Variants in BAIAP3 observed in about 807,000 individuals in gnomAD.
BAIAP3 encodes BAI1-associated protein 3.
In BAIAP3, 180 loss-of-function variants were observed where a neutral mutation model predicts 149.7. The ratio of observed to expected loss-of-function variants is 1.20; its 90% CI spans 1.07 to 1.36. BAIAP3 has a LOEUF of 1.36. Among genes scored for constraint, BAIAP3 ranks in the 40% most tolerant of loss-of-function variants. BAIAP3 has a pLI of 0.00. For missense variants in BAIAP3, 1,767 were observed against 1,563.4 expected (o/e 1.13, Z -2.20); for synonymous variants, 845 against 670.7 (o/e 1.26, Z -4.02).
chr16:1,342,363 G>A (rs771798566), intron 11 of BAIAP3, 80 bp downstream of exon 11: 21 of 1,481,396 alleles, frequency 1.4e-5, no homozygotes, highest in Non-Finnish European at 1.8e-5. Flanking sequence ...GCAGGGCACT[G>A]CCTGGAGAAG....
At chr16:1,342,407 T>A in intron 11 of BAIAP3, 120 bp from the exon 12 acceptor site, 1 of 1,358,120 alleles carries the variant, frequency 7.4e-7, no homozygotes, top group Non-Finnish European at 1.0e-6. Context: ...AGTGCGCTTG[T>A]CACCCTCATT....
intron 26 of BAIAP3, 33 bp from the exon 27 acceptor site, chr16:1,346,572 G>A: frequency 6.4e-7 from 1 of 1,567,690 alleles, no homozygotes; most frequent in Non-Finnish European, 8.6e-7. Flanking sequence ...CAGAGGTGCG[G>A]GGTAAGCCTG....
chr16:1,335,647 G>C (rs1284333836), intron 1 of BAIAP3, among the ~76,000 whole-genome samples: 3 of 152,208 alleles, frequency 2.0e-5, no homozygotes, highest in Non-Finnish European at 4.4e-5. Context: ...CAGCTGCCCA[G>C]GAAGCCTGGG....
At chr16:1,346,989 C>T (rs369370617) in intron 28 of BAIAP3, 34 bp downstream of exon 28, 2 of 1,558,912 alleles carry the variant, frequency 1.3e-6, no homozygotes, top group African/African-American at 1.4e-5. Flanking sequence ...CCCCGCCGGC[C>T]CCCGCCTCAG....
In BAIAP3 at chr16:1,344,034, G is replaced by A. The variant is rs1284243648; in HGVS notation, c.1399G>A (p.Ala467Thr). 1.2e-6 allele frequency: 2 copies of A among 1,612,264 alleles called. No homozygotes were observed. Among genetic ancestry groups the A allele is most frequent in the African/African-American group, 2.7e-5 (2 of 74,934 alleles). ...SLPQEQEESL[A>T]DSLSAFSEFG... The stretch of plus-strand genomic sequence containing the variant: ...CCTGTCCCCACAGGAGGAGAGCCTG[G>A]CTGATAGCCTTTCCGCCTTCTCTGA... The change falls in exon 16 of 34, where the codon GCT becomes ACT. Residue 467 changes from alanine to threonine, a missense_variant. Physicochemically the swap from Ala to Thr is moderately conservative, Grantham distance 58 (BLOSUM62 0). Transcript: ENST00000426824.
chr16:1,347,317 A>C lies in BAIAP3; in HGVS notation c.2771A>C (p.His924Pro). The C allele has an allele frequency of 6.2e-7, 1 of 1,613,032 alleles. No individual in the cohort carries two copies. The highest frequency in any genetic ancestry group is 8.5e-7 in the Non-Finnish European group (1 of 1,179,852). The change falls in exon 29 of 34, where the codon CAC (histidine) becomes CCC (proline). Residue 924 changes from histidine to proline, a missense_variant. His to Pro is a moderately conservative substitution (Grantham distance 77). Coordinates refer to ENST00000426824, the MANE Select transcript of BAIAP3 (RefSeq NM_001199097.2). ...CCCCAGGCCCTGGTCAGTTTTTTCC[A>C]CGCAGAGGGTCAGGGTTTGCCCCTG... ...FTLEALVSFFHAEGQGLPLES... is the reference protein window; with the variant it reads ...FTLEALVSFFPAEGQGLPLES...
At position 1,348,115 on chromosome 16, in the gene BAIAP3, T is replaced by TGCC; in HGVS notation, c.3178_3180dup (p.Arg1060dup). 1 of 1,603,654 alleles carries TGCC rather than the reference T, an allele frequency of 6.2e-7. No homozygotes were observed. The highest frequency in any genetic ancestry group is 1.1e-5 in the South Asian group (1 of 91,034). On this transcript the variant is annotated inframe_insertion, in exon 33 of 34. Transcript: ENST00000426824. ...CCGCAGTTCCGTGCCTGCCGAGGCG[T>TGCC]GCCGCCGCCGCGCGGCCTGTGTGTT...
chr16:1,344,780 G>A lies in BAIAP3; in HGVS notation c.1758-18G>A. 2 of 1,613,806 alleles carry A rather than the reference G, an allele frequency of 1.2e-6. No individual in the cohort carries two copies. The highest frequency in any genetic ancestry group is 1.3e-5 in the African/African-American group (1 of 75,062). Reference sequence around the variant, plus strand: ...CAGGTGGGGCGCAGGTGGATGAGGTGTGTCCCTTGCTCTGCAGCATCCTCA... The same window carrying A: ...CAGGTGGGGCGCAGGTGGATGAGGTATGTCCCTTGCTCTGCAGCATCCTCA... On this transcript the variant is annotated intron_variant, in intron 19 of 33. Coordinates refer to ENST00000426824, the MANE Select transcript of BAIAP3 (RefSeq NM_001199097.2).
rs574479092 is a variant in BAIAP3, at chr16:1,348,815, T to G, written c.*333T>G. 595 of 469,944 alleles carry G rather than the reference T, an allele frequency of 1.3e-3. 2 individuals are homozygous for G. Among genetic ancestry groups the G allele is most frequent in the African/African-American group, 9.8e-3 (501 of 51,252 alleles). 29.1% of individuals were successfully genotyped at this position (469,944 alleles called of 1,614,324 possible). On this transcript the variant is annotated 3_prime_UTR_variant, in exon 34 of 34. Coordinates refer to ENST00000426824, the MANE Select transcript of BAIAP3 (RefSeq NM_001199097.2). The stretch of plus-strand genomic sequence containing the variant: ...GGGCTCCCCGGCCCTGGGTGGGCGG[T>G]GGGCAGCTGGTCTCCAGGGACTCAG...
At chr16:1,337,107 G>T (rs1292362216) in intron 1 of BAIAP3, among the ~76,000 whole-genome samples, 1 of 152,076 alleles carries the variant, frequency 6.6e-6, no homozygotes, top group Non-Finnish European at 1.5e-5. Context: ...GAGGTGGAGG[G>T]TCTGCACCTG....
chr16:1,347,859 T>TG (rs750977979), intron 31 of BAIAP3, 35 bp from the exon 32 acceptor site: 1 of 1,599,544 alleles, frequency 6.3e-7, no homozygotes, highest in Admixed American at 1.7e-5. Context: ...GGTGGTGGGA[T>TG]GGGGGCAGGG....
rs139609870 is a variant in BAIAP3 at position 1,338,939 on chromosome 16, C to T, written c.169C>T (p.Arg57Cys). The change falls in exon 3 of 34, where the codon CGC becomes TGC. Residue 57 changes from arginine to cysteine, a missense_variant. By Grantham distance (180) the Arg-to-Cys change is radical (BLOSUM62 -3). Coordinates refer to ENST00000426824, the MANE Select transcript of BAIAP3 (RefSeq NM_001199097.2). ...TGGCGTGGAGTTCTTTGCCCACATG[C>T]GCCTCATGCTGAAGAAGGGGGAAGG... is the stretch of plus-strand genomic sequence containing the variant. ...GDGVEFFAHM[R>C]LMLKKGEGRQ... 8.1e-6 allele frequency: 13 copies of T among 1,613,124 alleles called. No homozygotes were observed. The highest frequency in any genetic ancestry group is 3.3e-4 in the Middle Eastern group (2 of 6,058).
In BAIAP3 at chr16:1,348,297, C is replaced by CGGCATCTGGGCCGGCA. The variant is rs1456423752; in HGVS notation, c.3351_3352insGGCATCTGGGCCGGCA (p.Gln1118GlyfsTer184). ...CCCTGCACCTGTGCCGGCCCAGAGC[C>CGGCATCTGGGCCGGCA]CAGGGTGAGTGAGCATCTGGGTGGA... On this transcript the variant is annotated frameshift_variant, in exon 33 of 34. Coordinates refer to ENST00000426824, the MANE Select transcript of BAIAP3 (RefSeq NM_001199097.2). LOFTEE classifies it high-confidence loss of function. 1 of 1,601,314 alleles carries CGGCATCTGGGCCGGCA rather than the reference C, an allele frequency of 6.2e-7. No individual in the cohort carries two copies. The highest frequency in any genetic ancestry group is 2.3e-5 in the East Asian group (1 of 44,414).
In BAIAP3 at chr16:1,348,581, C is replaced by T. The variant is rs572037781; in HGVS notation, c.*99C>T. ...AGCTTTGTGCAACCAGGGCCCACGG[C>T]GCCCCTCCTGTGCTGTGACGTGTGT... On this transcript the variant is annotated 3_prime_UTR_variant, in exon 34 of 34. Coordinates refer to ENST00000426824, the MANE Select transcript of BAIAP3 (RefSeq NM_001199097.2). 7.4e-6 allele frequency: 9 copies of T among 1,209,888 alleles called. No individual in the cohort carries two copies. Among genetic ancestry groups the T allele is most frequent in the African/African-American group, 3.0e-5 (2 of 66,560 alleles). The allele number at this position is 1,209,888 out of a possible 1,614,324, so 74.9% of individuals were successfully genotyped here.
At chr16:1,341,682 G>A (rs915018894) in intron 8 of BAIAP3, 140 bp from the exon 9 acceptor site, 42 of 1,187,524 alleles carry the variant, frequency 3.5e-5, no homozygotes, top group South Asian at 3.1e-4. Context: ...AACACCTGGC[G>A]GGATCAGGAT....
rs757846782 is a variant in BAIAP3, at chr16:1,348,798, C to A, written c.*316C>A. The A allele has an allele frequency of 7.7e-5, 37 of 478,214 alleles. No individual in the cohort carries two copies. The highest frequency in any genetic ancestry group is 1.3e-4 in the Non-Finnish European group (33 of 263,358). The allele number at this position is 478,214 out of a possible 1,614,324, so 29.6% of individuals were successfully genotyped here. On this transcript the variant is annotated 3_prime_UTR_variant, in exon 34 of 34. Coordinates refer to ENST00000426824, the MANE Select transcript of BAIAP3 (RefSeq NM_001199097.2). ...TCCCTGCCCGCTTCCTTGGGCTCCCCGGCCCTGGGTGGGCGGTGGGCAGCT... is the reference window on the plus strand; with the variant it reads ...TCCCTGCCCGCTTCCTTGGGCTCCCAGGCCCTGGGTGGGCGGTGGGCAGCT...
In BAIAP3 at chr16:1,346,381, C is replaced by T; in HGVS notation, c.2493+20C>T. The T allele has an allele frequency of 6.2e-7, 1 of 1,610,776 alleles. No individual in the cohort carries two copies. Among genetic ancestry groups the T allele is most frequent in the South Asian group, 1.1e-5 (1 of 90,918 alleles). On this transcript the variant is annotated intron_variant, in intron 25 of 33. Transcript: ENST00000426824. ...TCTAAGGTGGGTGGGGCCTGGAGAC[C>T]AAGGCGTGGAGGCAGTCCCTGGTGC...
rs536954669 is a variant in BAIAP3 at position 1,339,056 on chromosome 16, G to A, written c.219+67G>A. On this transcript the variant is annotated intron_variant, in intron 3 of 33. Transcript: ENST00000426824. The stretch of plus-strand genomic sequence containing the variant: ...TGGGGCTCCCCCTTTGCTCCTCCCC[G>A]CTCCCTCCTGCCCTCGCTCCCACCT... 2.9e-4 allele frequency: 473 copies of A among 1,604,244 alleles called. No individual in the cohort carries two copies. The African/African-American group carries it at 5.1e-3, about 17-fold the overall frequency.
In BAIAP3 at chr16:1,344,907, C is replaced by T. The variant is rs200353578; in HGVS notation, c.1809+58C>T. 4.0e-3 allele frequency: 6,504 copies of T among 1,613,642 alleles called. 27 individuals carry two copies. The highest frequency in any genetic ancestry group is 4.2e-3 in the Non-Finnish European group (4,945 of 1,179,990). On this transcript the variant is annotated intron_variant, in intron 20 of 33. Coordinates refer to ENST00000426824, the MANE Select transcript of BAIAP3 (RefSeq NM_001199097.2). ...AGGCATGGGGAAGTGGGCAGATGCC[C>T]TTGGCTAGGACGGTCCTGGGATTCC...
Sources: allele counts gnomAD v4.1 joint callset (sites outside exome capture counted in the v4.1 genomes callset), GRCh38; gene constraint gnomAD v4.1.1; transcripts MANE v1.5; gene names NCBI Gene and HGNC (gene_info 2026-07-23, HGNC 2026-07-21).